Variants in KDM3A observed in about 807,000 individuals in gnomAD.
KDM3A encodes the protein lysine-specific demethylase 3A.
In KDM3A, 60 loss-of-function variants were observed where a neutral mutation model predicts 158.0. The observed-to-expected ratio is 0.38, with a 90% CI of 0.31 to 0.47. KDM3A has a LOEUF of 0.47. Ranked by LOEUF, KDM3A falls within the 20% of genes least tolerant of loss-of-function variation. The pLI is 0.99. For synonymous variants in KDM3A, 608 were observed against 549.3 expected (o/e 1.11, Z -1.49); for missense variants, 1,319 against 1,574.3 (o/e 0.84, Z 2.74).
In KDM3A at chr2:86,449,970, A is replaced by T; in HGVS notation, c.342+8A>T. 1 of 1,605,374 alleles carries T rather than the reference A, an allele frequency of 6.2e-7. No homozygotes were observed. Among genetic ancestry groups the T allele is most frequent in the Non-Finnish European group, 8.5e-7 (1 of 1,176,532 alleles). On this transcript the variant is annotated splice_region_variant and intron_variant, in intron 3 of 25. Transcript: ENST00000312912. The stretch of plus-strand genomic sequence containing the variant: ...GTACAGTGGCCTGCAATAGTGAGTA[A>T]AACTTGGGCTTATTGAACTCCTGAG...
intron 16 of KDM3A, among the ~76,000 whole-genome samples, chr2:86,481,181 T>G (rs1425233019): frequency 2.0e-5 from 3 of 152,182 alleles, no homozygotes; most frequent in Admixed American, 2.0e-4. Context: ...ACATTCTTAA[T>G]CAAGAGTTTA....
rs371354139 is a variant in KDM3A at position 86,480,093 on chromosome 2, T to C, written c.2317-74T>C. ...ATTTATCTTACTTGTTGGTCGGCTATTAGGAGAGAAGAAAAGAAAAGGAAG... is the reference window on the plus strand; with the variant it reads ...ATTTATCTTACTTGTTGGTCGGCTACTAGGAGAGAAGAAAAGAAAAGGAAG... On this transcript the variant is annotated intron_variant, in intron 15 of 25. Transcript: ENST00000312912. 1,450 of 1,171,294 alleles carry C rather than the reference T, an allele frequency of 1.2e-3. 27 individuals carry two copies. In the South Asian group the frequency reaches 0.013, roughly 11 times the overall value. 72.6% of individuals were successfully genotyped at this position (1,171,294 alleles called of 1,614,324 possible).
At chr2:86,482,310 G>T in intron 17 of KDM3A, 148 bp from the exon 18 acceptor site, 2 of 1,329,578 alleles carry the variant, frequency 1.5e-6, no homozygotes, top group South Asian at 2.9e-5. Flanking sequence ...TCTATGAGTT[G>T]TCAAGTGGGG....
At chr2:86,461,138 T>C (rs1672910991) in intron 8 of KDM3A, among the ~76,000 whole-genome samples, 2 of 152,242 alleles carry the variant, frequency 1.3e-5, no homozygotes, top group East Asian at 3.9e-4. Context: ...GGGAAGAAAG[T>C]GCTAGGAAGT....
In KDM3A at chr2:86,466,768, A is replaced by T. The variant is rs745534431; in HGVS notation, c.1404A>T (p.Ser468=). Residue 468 remains serine (S), a synonymous_variant, in exon 10 of 26, where the codon TCA becomes TCT. Transcript: ENST00000312912. The part of the protein sequence containing the change: ...GVNSDSPNNC[S]GKKVEPSALA... ...ATAGTGATAGCCCTAATAACTGTTC[A>T]GGAAAAAAGGTAGAACCTTCAGCTT... The T allele has an allele frequency of 6.2e-6, 10 of 1,613,690 alleles. No homozygotes were observed. In the East Asian group the frequency reaches 2.2e-4, roughly 36 times the overall value.
intron 10 of KDM3A, among the ~76,000 whole-genome samples, chr2:86,469,756 G>T (rs951905294): frequency 6.6e-6 from 1 of 152,162 alleles, no homozygotes; most frequent in Non-Finnish European, 1.5e-5. Context: ...GTTAGCTTTT[G>T]CATTGTACTT....
chr2:86,462,666 G>A (rs1291885895), intron 8 of KDM3A, among the ~76,000 whole-genome samples: 1 of 152,124 alleles, frequency 6.6e-6, no homozygotes, highest in East Asian at 1.9e-4. Context: ...CCAAAACTTT[G>A]CCAGTGATTA....
In KDM3A at chr2:86,470,382, G is replaced by A. The variant is rs182665349; in HGVS notation, c.1698G>A (p.Val566=). ...AGGAGCAACAGAAGGACTCACCTGT[G>A]TTTTGCCGCTTCTTTCACTTCAGGA... The part of the protein sequence containing the change: ...KDKEQQKDSP[V]FCRFFHFRRL... Residue 566 remains valine, a synonymous_variant, in exon 11 of 26, where the codon GTG becomes GTA. Transcript: ENST00000312912. 39 of 1,614,024 alleles carry A rather than the reference G, an allele frequency of 2.4e-5. No individual in the cohort carries two copies. In the East Asian group the frequency reaches 6.5e-4, roughly 27 times the overall value.
chr2:86,476,449 T>C (rs1673663678), intron 12 of KDM3A, among the ~76,000 whole-genome samples: 1 of 152,252 alleles, frequency 6.6e-6, no homozygotes, highest in East Asian at 1.9e-4. Flanking sequence ...CCTTGCCTTT[T>C]TGATTATCCT....
intron 10 of KDM3A, among the ~76,000 whole-genome samples, chr2:86,468,858 C>T (rs568630066): frequency 6.6e-6 from 1 of 152,274 alleles, no homozygotes; most frequent in South Asian, 2.1e-4. Flanking sequence ...CTGATGGTAG[C>T]ACCTGTTGCT....
chr2:86,454,783 A>G (rs72844691), intron 4 of KDM3A, among the ~76,000 whole-genome samples: 1,630 of 152,274 alleles, frequency 0.011, 9 homozygotes, highest in Non-Finnish European at 0.018. Context: ...TTGTTTGCTT[A>G]CTTTTTTCCC....
chr2:86,464,283 GT>G, intron 9 of KDM3A, 67 bp downstream of exon 9: 3 of 1,175,300 alleles, frequency 2.6e-6, no homozygotes, highest in Middle Eastern at 5.3e-4. Context: ...ATGGCTCATT[GT>G]TTTTATCCCT....
intron 5 of KDM3A, among the ~76,000 whole-genome samples, 176 bp downstream of exon 5, chr2:86,455,363 C>T (rs1302194717): frequency 1.3e-5 from 2 of 150,678 alleles, no homozygotes; most frequent in Non-Finnish European, 2.9e-5. Flanking sequence ...TGGCTCACTG[C>T]AACCTCTGCC....
At position 86,455,026 on chromosome 2, in the gene KDM3A, TTAAA is replaced by T. The variant is rs376781531; in HGVS notation, c.454-55_454-52del. On this transcript the variant is annotated intron_variant, in intron 4 of 25. Transcript: ENST00000312912. ...ACCAATTGAAATAGCCCACTGGAAT[TTAAA>T]TAACTCTTCTTATTAACTGTTACCC... 1,805 of 1,025,884 alleles carry T rather than the reference TTAAA, an allele frequency of 1.8e-3. 10 individuals carry two copies. The highest frequency in any genetic ancestry group is 8.9e-3 in the East Asian group (347 of 38,926). The allele number at this position is 1,025,884 out of a possible 1,614,324, so 63.5% of individuals were successfully genotyped here.
chr2:86,437,372 C>T (rs1328945073), upstream of KDM3A, among the ~76,000 whole-genome samples: 1 of 152,072 alleles, frequency 6.6e-6, no homozygotes, highest in East Asian at 1.9e-4. Context: ...AAACTCCTGA[C>T]CTGAAGTGAT....
chr2:86,441,765 C>T (rs1031752641), intron 1 of KDM3A, among the ~76,000 whole-genome samples: 7 of 150,900 alleles, frequency 4.6e-5, no homozygotes, highest in Non-Finnish European at 7.4e-5. Context: ...TCCCTCACTC[C>T]CTCTGCGGTT....
At chr2:86,472,866 G>T (rs191276246) in intron 11 of KDM3A, among the ~76,000 whole-genome samples, 655 of 152,194 alleles carry the variant, frequency 4.3e-3, no homozygotes, top group Non-Finnish European at 7.6e-3. Context: ...TTGCCACCCT[G>T]TTCACCTCTA....
intron 8 of KDM3A, among the ~76,000 whole-genome samples, chr2:86,458,285 G>A (rs1198200467): frequency 6.6e-6 from 1 of 152,182 alleles, no homozygotes; most frequent in Non-Finnish European, 1.5e-5. Context: ...ACAGGCAACA[G>A]GAACTTTGAT....
At chr2:86,454,308 A>T (rs901494944) in intron 4 of KDM3A, among the ~76,000 whole-genome samples, 9 of 152,216 alleles carry the variant, frequency 5.9e-5, no homozygotes, top group African/African-American at 2.2e-4. Context: ...GATGTGGTTC[A>T]AAATTTTCCC....
Sources: gnomAD v4.1 joint callset for allele counts (sites outside exome capture counted in the v4.1 genomes callset) on GRCh38, gnomAD v4.1.1 for gene constraint, MANE v1.5 for transcripts, NCBI Gene and HGNC (gene_info 2026-07-23, HGNC 2026-07-21) for gene names.